FAF1: variants seen among roughly 807,000 people sequenced by gnomAD.
The protein encoded by FAF1 is Fas associated factor 1.
FAF1 carries 25 observed loss-of-function variants against 92.5 expected under a neutral mutation model. The ratio of observed to expected loss-of-function variants is 0.27; its 90% CI spans 0.20 to 0.38. The LOEUF is 0.38. FAF1 is among the 10% of genes least tolerant of loss of function. The probability of loss-of-function intolerance (pLI) is 1.00; values close to 1 mark genes in which losing one functional copy is unlikely to be tolerated. For missense variants in FAF1, 636 were observed against 793.3 expected, an observed-to-expected ratio of 0.80 and a Z score of 2.38; for synonymous variants, 234 against 273.2, an observed-to-expected ratio of 0.86 and a Z score of 1.42.
chr1:50,509,053 T>TA (rs1241311505), intron 15 of FAF1, among the ~76,000 whole-genome samples: 1 of 152,138 alleles, frequency 6.6e-6, no homozygotes, highest in African/African-American at 2.4e-5. Flanking sequence ...GAATTTCACC[T>TA]AAAAAAATTA....
chr1:50,629,023 G>A (rs1406998378), intron 8 of FAF1, among the ~76,000 whole-genome samples: 1 of 152,076 alleles, frequency 6.6e-6, no homozygotes, highest in African/African-American at 2.4e-5. Context: ...TTGCTGGGAA[G>A]GTTAAATGAG....
chr1:50,900,340 T>C (rs1054035258), intron 1 of FAF1, among the ~76,000 whole-genome samples: 2 of 152,234 alleles, frequency 1.3e-5, no homozygotes, highest in African/African-American at 4.8e-5. Flanking sequence ...CTTTCAATTT[T>C]GTTTCTCTTC....
intron 1 of FAF1, among the ~76,000 whole-genome samples, chr1:50,871,517 G>C (rs1049291150): frequency 6.6e-6 from 1 of 152,100 alleles, no homozygotes. Flanking sequence ...GAAAATCCTA[G>C]GTCTCTTCAG....
chr1:50,925,104 A>G (rs773378383), intron 1 of FAF1, among the ~76,000 whole-genome samples: 3 of 152,252 alleles, frequency 2.0e-5, no homozygotes, highest in Non-Finnish European at 4.4e-5. Context: ...TGCTAAGAAT[A>G]CACATTGGGA....
intron 18 of FAF1, chr1:50,461,617 C>G (rs902508922): frequency 6.6e-6 from 1 of 152,084 alleles, no homozygotes; most frequent in Non-Finnish European, 1.5e-5. Flanking sequence ...TAAAAAATCT[C>G]TATGAGGAAA....
At chr1:50,700,729 C>A (rs1478216648) in intron 7 of FAF1, among the ~76,000 whole-genome samples, 1 of 152,032 alleles carries the variant, frequency 6.6e-6, no homozygotes, top group African/African-American at 2.4e-5. Context: ...TCTTAAGTAA[C>A]AAAAGGCTAA....
chr1:50,826,268 A>C (rs1419993788), intron 2 of FAF1, among the ~76,000 whole-genome samples: 1 of 152,208 alleles, frequency 6.6e-6, no homozygotes, highest in Non-Finnish European at 1.5e-5. Flanking sequence ...CTGGATCTTT[A>C]AGCTGGGCAC....
chr1:50,514,759 AC>A (rs1647190864), intron 15 of FAF1, among the ~76,000 whole-genome samples: 1 of 152,196 alleles, frequency 6.6e-6, no homozygotes, highest in South Asian at 2.1e-4. Flanking sequence ...GGACTGGCTT[AC>A]TAATTTCTTT....
At chr1:50,800,802 C>T (rs3789587) in intron 3 of FAF1, among the ~76,000 whole-genome samples, 17,837 of 152,056 alleles carry the variant, frequency 0.12, 1,270 homozygotes, top group African/African-American at 0.2. Flanking sequence ...TGTTTCTGTT[C>T]GCCTCATCCG....
In FAF1 at chr1:50,669,756, C is replaced by T. The variant is rs373655164; in HGVS notation, c.658-14228G>A. On this transcript the variant is annotated intron_variant, in intron 7 of 18. Transcript: ENST00000396153. Reference sequence around the variant, plus strand: ...AGATAAAAATGTTCTTTGTGCTGTCCAATATAGTGGCCATTAACCACATAT... The same window carrying T: ...AGATAAAAATGTTCTTTGTGCTGTCTAATATAGTGGCCATTAACCACATAT... Among the ~76,000 whole-genome samples, 28 of 152,262 alleles carry T rather than the reference C, an allele frequency of 1.8e-4. No individual in the cohort carries two copies. In the South Asian group the frequency reaches 4.6e-3, roughly 25 times the overall value.
At chr1:50,773,390 A>C (rs896848588) in intron 4 of FAF1, among the ~76,000 whole-genome samples, 1 of 152,246 alleles carries the variant, frequency 6.6e-6, no homozygotes, top group Non-Finnish European at 1.5e-5. Context: ...TGTTCGTTGC[A>C]GGATTATTCA....
intron 7 of FAF1, among the ~76,000 whole-genome samples, chr1:50,685,602 T>C (rs1185679388): frequency 6.6e-6 from 1 of 152,240 alleles, no homozygotes; most frequent in Non-Finnish European, 1.5e-5. Flanking sequence ...TCAAGTCCTA[T>C]ATTCACATCC....
intron 15 of FAF1, among the ~76,000 whole-genome samples, chr1:50,516,142 A>G (rs1647216776): frequency 6.6e-6 from 1 of 152,182 alleles, no homozygotes; most frequent in Non-Finnish European, 1.5e-5. Context: ...GCTAGGTGGA[A>G]GAGCTAGGAT....
At chr1:50,813,234 G>C (rs1412491915) in intron 2 of FAF1, among the ~76,000 whole-genome samples, 1 of 151,600 alleles carries the variant, frequency 6.6e-6, no homozygotes, top group Non-Finnish European at 1.5e-5. Context: ...AAAAAGAAAA[G>C]CACAGGGGAA....
chr1:50,616,909 G>A (rs1259082171), intron 8 of FAF1, among the ~76,000 whole-genome samples: 1 of 152,162 alleles, frequency 6.6e-6, no homozygotes, highest in African/African-American at 2.4e-5. Flanking sequence ...TCAAACTCCT[G>A]ACCTCAAGTG....
At chr1:50,830,853 G>A (rs1644146425) in intron 2 of FAF1, among the ~76,000 whole-genome samples, 1 of 151,966 alleles carries the variant, frequency 6.6e-6, no homozygotes, top group Non-Finnish European at 1.5e-5. Context: ...AATTCTAGAA[G>A]TAATATCAAC....
At chr1:50,930,703 C>T (rs1166473510) in intron 1 of FAF1, among the ~76,000 whole-genome samples, 5 of 151,974 alleles carry the variant, frequency 3.3e-5, no homozygotes, top group Non-Finnish European at 5.9e-5. Context: ...GGCATGGTGG[C>T]GGGTGCCTGT....
intron 1 of FAF1, among the ~76,000 whole-genome samples, chr1:50,916,862 AAAGACAGAAAT>A (rs1644922280): frequency 6.6e-6 from 1 of 152,248 alleles, no homozygotes; most frequent in South Asian, 2.1e-4. Flanking sequence ...ATTAGAAGCA[AAAGACAGAAAT>A]AAAAAGCAGA....
intron 17 of FAF1, among the ~76,000 whole-genome samples, chr1:50,489,135 C>A (rs1042201602): frequency 3.3e-5 from 5 of 152,158 alleles, no homozygotes; most frequent in Non-Finnish European, 5.9e-5. Context: ...TGTCATTTAG[C>A]ACATTTTTTC....
Sources: gnomAD v4.1 joint callset for allele counts (sites outside exome capture counted in the v4.1 genomes callset) on GRCh38, gnomAD v4.1.1 for gene constraint, MANE v1.5 for transcripts, NCBI Gene and HGNC (gene_info 2026-07-23, HGNC 2026-07-21) for gene names.